BCAS3: variants seen among roughly 807,000 people sequenced by gnomAD.
BCAS3 encodes the protein BCAS4/BCAS3 fusion.
A neutral mutation model predicts 116.1 loss-of-function variants in BCAS3; 53 were observed. That is an observed-to-expected ratio of 0.46 (90% CI 0.37 to 0.57). BCAS3 has a LOEUF of 0.57. BCAS3 is among the 20% of genes least tolerant of loss of function. The probability of loss-of-function intolerance (pLI) is 0.00; values close to 1 mark genes in which losing one functional copy is unlikely to be tolerated. For synonymous variants in BCAS3, 391 were observed against 408.2 expected, an observed-to-expected ratio of 0.96 and a Z score of 0.51; for missense variants, 917 against 1,165.4, an observed-to-expected ratio of 0.79 and a Z score of 3.10.
intron 22 of BCAS3, among the ~76,000 whole-genome samples, chr17:61,274,195 T>G (rs2050578037): frequency 1.3e-5 from 2 of 151,058 alleles, no homozygotes; most frequent in Admixed American, 1.3e-4. Context: ...CACCTATGAG[T>G]GAGAACATGC....
chr17:61,373,725 C>T (rs1040585309), intron 23 of BCAS3, among the ~76,000 whole-genome samples: 5 of 45,816 alleles, frequency 1.1e-4, no homozygotes, highest in Non-Finnish European at 5.6e-4. Flanking sequence ...AACCACGATG[C>T]CCAGCCCCTG....
intron 12 of BCAS3, among the ~76,000 whole-genome samples, chr17:60,916,217 A>G (rs1021443712): frequency 2.6e-5 from 4 of 152,202 alleles, no homozygotes; most frequent in African/African-American, 9.6e-5. Flanking sequence ...GAAATGTGCA[A>G]CTATTTTCCA....
At chr17:60,972,657 G>A (rs1600116808) in intron 14 of BCAS3, among the ~76,000 whole-genome samples, 1 of 151,860 alleles carries the variant, frequency 6.6e-6, no homozygotes, top group East Asian at 1.9e-4. Flanking sequence ...TTGCTATGTT[G>A]CCCAGGCTGG....
chr17:60,781,388 T>G (rs1201377244), intron 6 of BCAS3, among the ~76,000 whole-genome samples: 3 of 151,690 alleles, frequency 2.0e-5, no homozygotes, highest in Admixed American at 1.3e-4. Context: ...CACTTGAGAT[T>G]AGGAGTTTGA....
At chr17:61,290,338 C>T (rs895643367) in intron 22 of BCAS3, among the ~76,000 whole-genome samples, 8 of 151,916 alleles carry the variant, frequency 5.3e-5, no homozygotes, top group Non-Finnish European at 1.2e-4. Context: ...TGTCACAAAA[C>T]GTAAGTTAAA....
chr17:60,787,913 G>T (rs998610317), intron 6 of BCAS3, among the ~76,000 whole-genome samples: 1 of 150,872 alleles, frequency 6.6e-6, no homozygotes, highest in Non-Finnish European at 1.5e-5. Context: ...GACATGAATA[G>T]TACCTTTTTT....
In BCAS3 at chr17:61,229,495, A is replaced by T. The variant is rs1357503679; in HGVS notation, c.2426-138832A>T. 6.6e-6 allele frequency among the ~76,000 whole-genome samples: 1 copy of T among 152,224 alleles called. No individual in the cohort carries two copies. Among genetic ancestry groups the T allele is most frequent in the Non-Finnish European group, 1.5e-5 (1 of 68,042 alleles). ...GAAGAAGATGCCATCTAGGACTTTCATAGCTAGAGAGGAGGAGTCAGTGCC... is the reference window on the plus strand; with the variant it reads ...GAAGAAGATGCCATCTAGGACTTTCTTAGCTAGAGAGGAGGAGTCAGTGCC... On this transcript the variant is annotated intron_variant, in intron 22 of 23. Transcript: ENST00000407086. The surrounding 1 kb of genome is among the most constrained non-coding windows in gnomAD (Gnocchi z 4.4).
intron 7 of BCAS3, chr17:60,810,198 A>G (rs1568300301): frequency 7.0e-6 from 3 of 426,256 alleles, no homozygotes; most frequent in Non-Finnish European, 1.4e-5. Context: ...GTTCTCCACC[A>G]AACTACCAGT....
At chr17:61,058,690 GT>G (rs1298076168) in intron 19 of BCAS3, among the ~76,000 whole-genome samples, 2 of 152,076 alleles carry the variant, frequency 1.3e-5, no homozygotes, top group African/African-American at 2.4e-5. Flanking sequence ...GTGACTTCTG[GT>G]TAAAGTAATT....
intron 22 of BCAS3, among the ~76,000 whole-genome samples, chr17:61,360,790 C>T (rs567484156): frequency 3.9e-5 from 6 of 152,274 alleles, no homozygotes; most frequent in East Asian, 1.9e-4. Flanking sequence ...TTTTGGGTGG[C>T]GTGGTGGGGT....
intron 16 of BCAS3, among the ~76,000 whole-genome samples, chr17:61,033,090 T>G (rs983216577): frequency 6.6e-6 from 1 of 152,196 alleles, no homozygotes; most frequent in Non-Finnish European, 1.5e-5. Context: ...AAAGTCTGAA[T>G]TTTTTGAAGA....
chr17:60,741,917 C>T (rs1262863237), intron 5 of BCAS3, among the ~76,000 whole-genome samples: 1 of 152,014 alleles, frequency 6.6e-6, no homozygotes, highest in Non-Finnish European at 1.5e-5. Flanking sequence ...ATGTTTACAT[C>T]AATATTCTTT....
intron 15 of BCAS3, among the ~76,000 whole-genome samples, chr17:61,009,291 T>C (rs747358463): frequency 2.0e-5 from 3 of 152,046 alleles, no homozygotes; most frequent in Non-Finnish European, 4.4e-5. Flanking sequence ...AATACTATAC[T>C]TACCTCATAT....
chr17:60,947,379 G>A (rs937417747), intron 14 of BCAS3, 27 bp downstream of exon 14: 6 of 1,601,368 alleles, frequency 3.7e-6, no homozygotes, highest in South Asian at 1.1e-5. Flanking sequence ...TTCAGAAGGC[G>A]ATTTCTTGGT....
Position 60,967,508 on chromosome 17 carries a change from G to T in BCAS3, c.1221+20156G>T, listed in dbSNP as rs1268449067. Among the ~76,000 whole-genome samples, 1 of 152,112 alleles carries T rather than the reference G, an allele frequency of 6.6e-6. No homozygotes were observed. On this transcript the variant is annotated intron_variant, in intron 14 of 23. Transcript: ENST00000407086. The surrounding 1 kb of genome is among the most constrained non-coding windows in gnomAD (Gnocchi z 4.7). ...CTTTGAGAGTTTCATTATTATACGT[G>T]TTAGAGTACTTTTATTTGGGTTGAG...
intron 22 of BCAS3, among the ~76,000 whole-genome samples, chr17:61,183,185 A>G (rs527254422): frequency 8.8e-4 from 134 of 152,272 alleles, no homozygotes; most frequent in Admixed American, 1.7e-3. Flanking sequence ...TTAAAAATCT[A>G]TAGTTTCTTG....
At chr17:61,072,714 A>T (rs900314219) in intron 19 of BCAS3, among the ~76,000 whole-genome samples, 3 of 151,124 alleles carry the variant, frequency 2.0e-5, no homozygotes, top group African/African-American at 7.3e-5. Flanking sequence ...AAAAGCCCAC[A>T]GTAATCTGCT....
intron 22 of BCAS3, among the ~76,000 whole-genome samples, chr17:61,154,542 T>C (rs1395030022): frequency 2.0e-5 from 3 of 151,962 alleles, no homozygotes; most frequent in Non-Finnish European, 4.4e-5. Flanking sequence ...CTCAAGCAGT[T>C]CTCCCAACTC....
intron 4 of BCAS3, among the ~76,000 whole-genome samples, chr17:60,698,606 G>T (rs532812223): frequency 1.3e-5 from 2 of 152,322 alleles, no homozygotes; most frequent in East Asian, 1.9e-4. Flanking sequence ...GGTTTTATGT[G>T]TGGCATTTGA....
Sources: gnomAD v4.1 joint callset for allele counts (sites outside exome capture counted in the v4.1 genomes callset) on GRCh38, gnomAD v4.1.1 for gene constraint, Gnocchi (gnomAD v3.1) non-coding constraint, MANE v1.5 for transcripts, NCBI Gene and HGNC (gene_info 2026-07-23, HGNC 2026-07-21) for gene names.